The following DYNC2H1 variants were observed in gnomAD, a reference collection of about 807,000 sequenced individuals.
DYNC2H1 encodes the protein cytoplasmic dynein 2 heavy chain 1.
Under a neutral mutation model 570.0 loss-of-function variants are expected in DYNC2H1, and 410 were observed. The ratio of observed to expected loss-of-function variants is 0.72; its 90% confidence interval spans 0.66 to 0.78. DYNC2H1 has a LOEUF of 0.78. Ranked by LOEUF, DYNC2H1 falls within the 30% of genes least tolerant of loss-of-function variation. DYNC2H1 has a pLI of 0.00. For synonymous variants in DYNC2H1, 1,688 were observed against 1,677.6 expected, an observed-to-expected ratio of 1.01 and a Z score of -0.15; for missense variants, 4,865 against 5,046.4, an observed-to-expected ratio of 0.96 and a Z score of 1.09.
intron 83 of DYNC2H1, among the ~76,000 whole-genome samples, chr11:103,374,980 C>A (rs1160834779): frequency 6.6e-6 from 1 of 152,154 alleles, no homozygotes; most frequent in Non-Finnish European, 1.5e-5. Context: ...TCATGGCAGC[C>A]CCTCCCTTCA....
At chr11:103,366,940 A>G (rs992209840) in intron 83 of DYNC2H1, among the ~76,000 whole-genome samples, 1 of 152,148 alleles carries the variant, frequency 6.6e-6, no homozygotes, top group African/African-American at 2.4e-5. Flanking sequence ...TATTTTAAAG[A>G]TGTAATTAAC....
chr11:103,200,135 C>G lies in DYNC2H1; in HGVS notation c.8178C>G (p.Ile2726Met), dbSNP rs375795034. 6.4e-7 allele frequency: 1 copy of G among 1,574,298 alleles called. No homozygotes were observed. Residue 2726 changes from isoleucine (I) to methionine (M), a missense_variant, in exon 50 of 89, where the codon ATC becomes ATG. Physicochemically the swap from Ile to Met is conservative, Grantham distance 10 (BLOSUM62 1). Around this residue, in one of 5 missense-constraint regions of DYNC2H1, gnomAD observed 2,401 missense variants for 2,454.6 expected, o/e 0.98. Coordinates refer to ENST00000375735, the MANE Select transcript of DYNC2H1 (RefSeq NM_001377.3). ...QFVHPTFLEM[I>M]NSLLSSGEVP... ...TACATCCTACATTTTTGGAGATGATCAATAGCCTTTTGTCTTCAGGCAAGT... is the reference window on the plus strand; with the variant it reads ...TACATCCTACATTTTTGGAGATGATGAATAGCCTTTTGTCTTCAGGCAAGT...
chr11:103,240,734 C>T (rs1864394969), intron 63 of DYNC2H1, among the ~76,000 whole-genome samples: 1 of 152,092 alleles, frequency 6.6e-6, no homozygotes, highest in Non-Finnish European at 1.5e-5. Context: ...TCTCCAGTAC[C>T]ACTTCCTTTA....
Position 103,479,445 on chromosome 11 carries a change from GTTA to G in DYNC2H1, c.*195_*197del. On this transcript the variant is annotated 3_prime_UTR_variant, in exon 89 of 89. Transcript: ENST00000375735. ...TCTTTTAAAGTAATAAATTAATGGA[GTTA>G]TTGTTAAAACAGAGTATTCTTTTGA... 2.0e-6 allele frequency: 1 copy of G among 494,452 alleles called. No individual in the cohort carries two copies. The highest frequency in any genetic ancestry group is 7.7e-5 in the South Asian group (1 of 13,052). The allele number at this position is 494,452 out of a possible 1,614,324, so 30.6% of individuals were successfully genotyped here. A position where few individuals can be genotyped will look rare whatever the true frequency, so the allele number is the denominator to read the frequency against.
At chr11:103,345,737 G>A (rs541029256) in intron 82 of DYNC2H1, among the ~76,000 whole-genome samples, 12 of 152,252 alleles carry the variant, frequency 7.9e-5, no homozygotes, top group African/African-American at 2.6e-4. Flanking sequence ...AGTCTTGTGA[G>A]CCATGAAAGT....
At position 103,120,995 on chromosome 11, in the gene DYNC2H1, A is replaced by G; in HGVS notation, c.1319A>G (p.Glu440Gly). The change falls in exon 9 of 89, where the codon GAA becomes GGA. Residue 440 changes from glutamate to glycine, a missense_variant. Coordinates refer to ENST00000375735, the MANE Select transcript of DYNC2H1 (RefSeq NM_001377.3). ...ACTATAAGCAAAGAATTGATGTTAGAAAGAGAAACTTTACTGGCAAGACTT... is the reference window on the plus strand; with the variant it reads ...ACTATAAGCAAAGAATTGATGTTAGGAAGAGAAACTTTACTGGCAAGACTT... ...RPTISKELML[E>G]RETLLARLVD... The G allele has an allele frequency of 1.3e-6, 2 of 1,591,370 alleles. No individual in the cohort carries two copies. The highest frequency in any genetic ancestry group is 1.7e-6 in the Non-Finnish European group (2 of 1,169,620).
At chr11:103,451,027 A>AT (rs1364665863) in intron 85 of DYNC2H1, among the ~76,000 whole-genome samples, 1 of 152,088 alleles carries the variant, frequency 6.6e-6, no homozygotes, top group Non-Finnish European at 1.5e-5. Context: ...TGGCTGTGTA[A>AT]TTTTGTAGTG....
At chr11:103,178,898 G>A (rs557098890) in intron 38 of DYNC2H1, 128 bp from the exon 39 acceptor site, 22 of 862,934 alleles carry the variant, frequency 2.5e-5, no homozygotes, top group African/African-American at 1.2e-4. Context: ...CCAGGATTGC[G>A]CATGGGTTCT....
At chr11:103,456,537 CAG>C (rs1439797228) in intron 87 of DYNC2H1, among the ~76,000 whole-genome samples, 181 bp downstream of exon 87, 1 of 152,124 alleles carries the variant, frequency 6.6e-6, no homozygotes, top group Non-Finnish European at 1.5e-5. Context: ...ATAGAAAATA[CAG>C]ACTCTTCTTA....
Position 103,181,019 on chromosome 11 carries a change from T to G in DYNC2H1, c.6348-738T>G, listed in dbSNP as rs995877161. Among the ~76,000 whole-genome samples, 1 of 151,452 alleles carries G rather than the reference T, an allele frequency of 6.6e-6. No homozygotes were observed. The highest frequency in any genetic ancestry group is 2.4e-5 in the African/African-American group (1 of 41,382). ...GTCAATTCTAAAATAATATGAATTA[T>G]TTTTACTATAGTTTTTTATAATTAT... is the stretch of plus-strand genomic sequence containing the variant. On this transcript the variant is annotated intron_variant, in intron 39 of 88. Coordinates refer to ENST00000375735, the MANE Select transcript of DYNC2H1 (RefSeq NM_001377.3). The surrounding 1 kb of genome is among the most constrained non-coding windows in gnomAD (Gnocchi z 5.0).
chr11:103,411,440 G>A (rs534108768), intron 84 of DYNC2H1, among the ~76,000 whole-genome samples: 39 of 151,364 alleles, frequency 2.6e-4, no homozygotes, highest in Admixed American at 6.0e-4. Flanking sequence ...AGGGGTAGCC[G>A]TTGAGGTACT....
chr11:103,312,200 G>C lies in DYNC2H1; in HGVS notation c.11649+167G>C, dbSNP rs11225687. 0.051 allele frequency among the ~76,000 whole-genome samples: 7,822 copies of C among 152,030 alleles called. 254 individuals carry two copies. Among genetic ancestry groups the C allele is most frequent in the Non-Finnish European group, 0.075 (5,087 of 67,930 alleles). On this transcript the variant is annotated intron_variant, in intron 79 of 88. Coordinates refer to ENST00000375735, the MANE Select transcript of DYNC2H1 (RefSeq NM_001377.3). The stretch of plus-strand genomic sequence containing the variant: ...GTTTGAGACCAGCCTGACCAACATG[G>C]GGAAACCCCATCTCTACTAAAAATA...
rs546642389 is a variant in DYNC2H1, at chr11:103,419,405, C to T, written c.12367-16538C>T. Among the ~76,000 whole-genome samples, 163 of 152,218 alleles carry T rather than the reference C, an allele frequency of 1.1e-3. 1 individual carries two copies. The highest frequency in any genetic ancestry group is 2.9e-3 in the Admixed American group (45 of 15,288). ...TTGGGCTGACAACCAGTCATTATCC[C>T]GCTGGGACAGAGCTTCCAGAGGAAG... On this transcript the variant is annotated intron_variant, in intron 84 of 88. Coordinates refer to ENST00000375735, the MANE Select transcript of DYNC2H1 (RefSeq NM_001377.3).
At chr11:103,373,563 G>A (rs1941266400) in intron 83 of DYNC2H1, among the ~76,000 whole-genome samples, 1 of 152,150 alleles carries the variant, frequency 6.6e-6, no homozygotes. Context: ...CAAGTTACTT[G>A]ATATGATCTC....
intron 40 of DYNC2H1, 120 bp downstream of exon 40, chr11:103,182,006 A>G (rs1861870115): frequency 3.0e-6 from 3 of 1,016,636 alleles, no homozygotes; most frequent in Non-Finnish European, 4.2e-6. Flanking sequence ...TGAGAGGTGG[A>G]TTTTGTCACT....
chr11:103,355,751 A>C (rs1365834891), intron 82 of DYNC2H1, among the ~76,000 whole-genome samples: 1 of 152,084 alleles, frequency 6.6e-6, no homozygotes, highest in Non-Finnish European at 1.5e-5. Flanking sequence ...TTGCTTTGTC[A>C]TGTAGACTTG....
In DYNC2H1 at chr11:103,121,028, CAATT is replaced by C. The variant is rs1223907858; in HGVS notation, c.1355_1358del (p.Ile452LysfsTer5). 4 of 1,557,878 alleles carry C rather than the reference CAATT, an allele frequency of 2.6e-6. No individual in the cohort carries two copies. In the African/African-American group the frequency reaches 5.5e-5, roughly 21 times the overall value. ...ACTTTACTGGCAAGACTTGTGGACT[CAATT>C]AAAGGTAAAAGTTTATGAGATTATA... On this transcript the variant is annotated frameshift_variant, in exon 9 of 89. Coordinates refer to ENST00000375735, the MANE Select transcript of DYNC2H1 (RefSeq NM_001377.3). LOFTEE classifies it high-confidence loss of function.
chr11:103,188,875 G>A (rs893023260), intron 44 of DYNC2H1, among the ~76,000 whole-genome samples: 6 of 151,988 alleles, frequency 3.9e-5, no homozygotes, highest in Admixed American at 1.3e-4. Flanking sequence ...GAAATAAAAC[G>A]AAACTGTTTT....
rs1591513028 is a variant in DYNC2H1 at position 103,277,205 on chromosome 11, A to G, written c.10696-3143A>G. 1.3e-5 allele frequency among the ~76,000 whole-genome samples: 2 copies of G among 152,056 alleles called. No individual in the cohort carries two copies. The highest frequency in any genetic ancestry group is 1.3e-4 in the Admixed American group (2 of 15,258). On this transcript the variant is annotated intron_variant, in intron 70 of 88. Coordinates refer to ENST00000375735, the MANE Select transcript of DYNC2H1 (RefSeq NM_001377.3). The surrounding 1 kb of genome is among the most constrained non-coding windows in gnomAD (Gnocchi z 4.3). ...TGTTAAAAATTTGGTTTTATTCTTC[A>G]CAAATTTATTTGTGCTCATATAGTT...
Sources: allele counts gnomAD v4.1 joint callset (sites outside exome capture counted in the v4.1 genomes callset), GRCh38; gene constraint gnomAD v4.1.1; regional missense constraint gnomAD v4.1.1; non-coding constraint Gnocchi (gnomAD v3.1); transcripts MANE v1.5; gene names NCBI Gene and HGNC (gene_info 2026-07-23, HGNC 2026-07-21).